Variants in PCDHA7 observed in about 807,000 individuals in gnomAD.
PCDHA7 encodes the protein protocadherin alpha-7.
Under a neutral mutation model 57.2 loss-of-function variants are expected in PCDHA7, and 37 were observed. That is an observed-to-expected ratio of 0.65 (90% confidence interval 0.50 to 0.85). PCDHA7 has a LOEUF of 0.85. Ranked by LOEUF, PCDHA7 falls within the 40% of genes least tolerant of loss-of-function variation. The probability of loss-of-function intolerance (pLI) is 0.00; values close to 1 mark genes in which losing one functional copy is unlikely to be tolerated. For missense variants in PCDHA7, 1,188 were observed against 1,241.8 expected, an observed-to-expected ratio of 0.96 and a Z score of 0.65; for synonymous variants, 553 against 558.8, an observed-to-expected ratio of 0.99 and a Z score of 0.15.
intron 1 of PCDHA7, among the ~76,000 whole-genome samples, chr5:140,910,531 C>G (rs2153515118): frequency 6.6e-6 from 1 of 152,310 alleles, no homozygotes; most frequent in Admixed American, 6.5e-5. Flanking sequence ...ACTCCCCTCA[C>G]AAATCTATTT....
At chr5:140,876,556 G>A (rs369915148) in intron 1 of PCDHA7, 10 of 1,614,204 alleles carry the variant, frequency 6.2e-6, no homozygotes, top group Non-Finnish European at 8.5e-6. Flanking sequence ...TGTGCAAGAG[G>A]ATGCTCAGGT....
chr5:140,867,114 G>T (rs567577345), intron 1 of PCDHA7: 1 of 152,168 alleles, frequency 6.6e-6, no homozygotes, highest in Admixed American at 6.5e-5. Context: ...TTAACATATT[G>T]TTTTAATTCA....
rs557901977 is a variant in PCDHA7 at position 140,876,312 on chromosome 5, G to A, written c.2355+39574G>A. 4.3e-6 allele frequency: 7 copies of A among 1,614,036 alleles called. No individual in the cohort carries two copies. In the East Asian group the frequency reaches 1.6e-4, roughly 36 times the overall value. On this transcript the variant is annotated intron_variant, in intron 1 of 3. Coordinates refer to ENST00000525929, the MANE Select transcript of PCDHA7 (RefSeq NM_018910.3). ...GACTTAATGGAGAAATTTCCTATGG[G>A]ATCAAAATGATTTTGCCAGTGAGTG...
chr5:140,847,992 C>A lies in PCDHA7; in HGVS notation c.2355+11254C>A, dbSNP rs189573491. On this transcript the variant is annotated intron_variant, in intron 1 of 3. Transcript: ENST00000525929. ...CGAGCCATATGGGAGATTCTGAATTCCAGAACAAAAGAATTTTGTAATTTA... is the reference window on the plus strand; with the variant it reads ...CGAGCCATATGGGAGATTCTGAATTACAGAACAAAAGAATTTTGTAATTTA... 9.0e-4 allele frequency: 141 copies of A among 156,078 alleles called. 10 individuals are homozygous for A. The highest frequency in any genetic ancestry group is 1.5e-3 in the Non-Finnish European group (104 of 70,316). The allele number at this position is 156,078 out of a possible 1,614,324, so 9.7% of individuals were successfully genotyped here.
intron 1 of PCDHA7, chr5:140,857,440 G>A (rs2044596243): frequency 6.3e-7 from 1 of 1,598,588 alleles, no homozygotes; most frequent in Non-Finnish European, 8.6e-7. Context: ...TGTTCGTGAA[G>A]GAGAACAACC....
intron 1 of PCDHA7, among the ~76,000 whole-genome samples, chr5:140,855,328 G>C (rs1554147750): frequency 6.7e-6 from 1 of 149,766 alleles, no homozygotes; most frequent in East Asian, 1.9e-4. Context: ...GGAGGGAGAG[G>C]TTAAACGATT....
At chr5:140,945,349 T>G (rs578151486) in intron 1 of PCDHA7, among the ~76,000 whole-genome samples, 43 of 152,144 alleles carry the variant, frequency 2.8e-4, no homozygotes, top group Non-Finnish European at 4.9e-4. Context: ...TTGGAAAAAT[T>G]AATACTGTTT....
chr5:140,927,587 T>C (rs1411741184), intron 1 of PCDHA7: 1 of 1,614,044 alleles, frequency 6.2e-7, no homozygotes, highest in African/African-American at 1.3e-5. Flanking sequence ...AACGCGCCTG[T>C]ATTTGAGCGC....
In PCDHA7 at chr5:140,850,262, A is replaced by G. The variant is rs2150476444; in HGVS notation, c.2355+13524A>G. 32 of 1,594,296 alleles carry G rather than the reference A, an allele frequency of 2.0e-5. 1 individual carries two copies. The highest frequency in any genetic ancestry group is 2.7e-5 in the African/African-American group (2 of 74,230). On this transcript the variant is annotated intron_variant, in intron 1 of 3. Transcript: ENST00000525929. ...TGCTGCGGTCGGTGGGCGCCGGCGT[A>G]GTGGTGGGGAAGGTGCGCGCAGTGG...
chr5:140,917,324 C>CGGGGGGGGGGGGG (rs1299895515), intron 1 of PCDHA7, among the ~76,000 whole-genome samples: 2 of 76,122 alleles, frequency 2.6e-5, no homozygotes, highest in Admixed American at 1.5e-4. Context: ...GTTCATGTGG[C>CGGGGGGGGGGGGG]GGGGGAGGGG....
At chr5:140,860,133 G>GTA (rs1366023813) in intron 1 of PCDHA7, 4 of 149,192 alleles carry the variant, frequency 2.7e-5, no homozygotes, top group Non-Finnish European at 5.9e-5. Flanking sequence ...GTGTGTGTGT[G>GTA]TATATATATG....
At chr5:140,972,453 G>A (rs2096536665) in intron 1 of PCDHA7, among the ~76,000 whole-genome samples, 3 of 151,360 alleles carry the variant, frequency 2.0e-5, no homozygotes, top group South Asian at 2.1e-4. Context: ...TTTTTCTCTT[G>A]TTGCTTATTA....
intron 1 of PCDHA7, among the ~76,000 whole-genome samples, chr5:140,958,679 A>G (rs1317780380): frequency 6.6e-6 from 1 of 152,200 alleles, no homozygotes; most frequent in Non-Finnish European, 1.5e-5. Context: ...ATTATAAAGG[A>G]TATTGAATAT....
intron 1 of PCDHA7, chr5:140,843,591 G>A (rs2150363188): frequency 6.3e-7 from 1 of 1,596,134 alleles, no homozygotes; most frequent in Admixed American, 1.7e-5. Flanking sequence ...CAGCCGCAGA[G>A]GGTGTGCTCT....
In PCDHA7 at chr5:140,927,251, A is replaced by G. The variant is rs782356440; in HGVS notation, c.2356-51698A>G. The G allele has an allele frequency of 7.4e-6, 12 of 1,613,434 alleles. No homozygotes were observed. The Admixed American group carries it at 1.2e-4, about 16-fold the overall frequency. On this transcript the variant is annotated intron_variant, in intron 1 of 3. Transcript: ENST00000525929. The stretch of plus-strand genomic sequence containing the variant: ...ATTCACGTCCTGGACACCAATGACA[A>G]CTCACCTCTCTTTCCTGCCGGCGAC...
chr5:140,885,920 C>T (rs1554182299), intron 1 of PCDHA7, among the ~76,000 whole-genome samples: 1 of 151,998 alleles, frequency 6.6e-6, no homozygotes, highest in East Asian at 1.9e-4. Context: ...TAGATATTAA[C>T]TGTTTATCTA....
chr5:140,892,733 C>G lies in PCDHA7; in HGVS notation c.2355+55995C>G, dbSNP rs183181952. Reference sequence around the variant, plus strand: ...CATATTCATAATCTCAAACATTTACCATTTTTGCATGGTGAACATTTAAAA... The same window carrying G: ...CATATTCATAATCTCAAACATTTACGATTTTTGCATGGTGAACATTTAAAA... On this transcript the variant is annotated intron_variant, in intron 1 of 3. Coordinates refer to ENST00000525929, the MANE Select transcript of PCDHA7 (RefSeq NM_018910.3). Among the ~76,000 whole-genome samples the G allele has an allele frequency of 8.1e-4, 123 of 152,172 alleles. No individual in the cohort carries two copies. In the Middle Eastern group the frequency reaches 0.02, roughly 25 times the overall value.
chr5:140,842,001 A>G (rs1475257095), intron 1 of PCDHA7: 1 of 1,613,730 alleles, frequency 6.2e-7, no homozygotes, highest in African/African-American at 1.3e-5. Context: ...GGCACTGTTC[A>G]GCTGCTGGTC....
chr5:140,899,981 G>T (rs929559514), intron 1 of PCDHA7, among the ~76,000 whole-genome samples: 3 of 151,734 alleles, frequency 2.0e-5, no homozygotes, highest in African/African-American at 7.3e-5. Flanking sequence ...CTACTTTTTT[G>T]ATTTTTTTTG....
Sources: allele counts gnomAD v4.1 joint callset (sites outside exome capture counted in the v4.1 genomes callset), GRCh38; gene constraint gnomAD v4.1.1; transcripts MANE v1.5; gene names NCBI Gene and HGNC (gene_info 2026-07-23, HGNC 2026-07-21).